The following SMAD5 variants were observed in gnomAD, a reference collection of about 807,000 sequenced individuals.
SMAD5 encodes the protein MAD, mothers against decapentaplegic homolog 5.
In SMAD5, 9 loss-of-function variants were observed where a neutral mutation model predicts 43.1. The observed-to-expected ratio is 0.21, with a 90% CI of 0.13 to 0.36. The LOEUF is 0.36. Ranked by LOEUF, SMAD5 falls within the 10% of genes least tolerant of loss-of-function variation. The pLI is 1.00. For missense variants in SMAD5, 348 were observed against 574.0 expected (o/e 0.61, Z 4.02); for synonymous variants, 190 against 192.4 (o/e 0.99, Z 0.10).
chr5:136,157,831 G>A (rs1753690089), intron 3 of SMAD5, among the ~76,000 whole-genome samples: 1 of 152,122 alleles, frequency 6.6e-6, no homozygotes, highest in Admixed American at 6.5e-5. Flanking sequence ...GGGGGGGTTA[G>A]GGACCCCTGA....
chr5:136,177,359 G>C lies in SMAD5; in HGVS notation c.1277G>C (p.Arg426Pro), dbSNP rs1467776873. The C allele has an allele frequency of 6.2e-7, 1 of 1,613,520 alleles. No homozygotes were observed. ...FVKGWGAEYH[R>P]QDVTSTPCWI... Reference sequence around the variant, plus strand: ...TAGGGTTGGGGAGCAGAATATCACCGGCAGGATGTAACCAGCACCCCATGT... The same window carrying C: ...TAGGGTTGGGGAGCAGAATATCACCCGCAGGATGTAACCAGCACCCCATGT... The change falls in exon 8 of 8, where the codon CGG becomes CCG. Residue 426 changes from arginine to proline, a missense_variant. Physicochemically the swap from Arg to Pro is moderately radical, Grantham distance 103 (BLOSUM62 -2). Transcript: ENST00000545279.
rs942361564 is a variant in SMAD5 at position 136,180,356 on chromosome 5, T to G, written c.*2876T>G. Reference sequence around the variant, plus strand: ...ATAATCACATAGCATGTACAATATATTTATGCTGGCTGAAAAGACAGAATC... The same window carrying G: ...ATAATCACATAGCATGTACAATATAGTTATGCTGGCTGAAAAGACAGAATC... On this transcript the variant is annotated 3_prime_UTR_variant, in exon 8 of 8. Coordinates refer to ENST00000545279, the MANE Select transcript of SMAD5 (RefSeq NM_005903.7). 1 of 152,152 alleles carries G rather than the reference T, an allele frequency of 6.6e-6. No individual in the cohort carries two copies. The highest frequency in any genetic ancestry group is 1.5e-5 in the Non-Finnish European group (1 of 67,990). The allele number at this position is 152,152 out of a possible 1,614,324, so 9.4% of individuals were successfully genotyped here. A position where few individuals can be genotyped will look rare whatever the true frequency, so the allele number is the denominator to read the frequency against.
intron 6 of SMAD5, among the ~76,000 whole-genome samples, chr5:136,174,174 T>A (rs751461201): frequency 6.6e-6 from 1 of 152,188 alleles, no homozygotes; most frequent in Non-Finnish European, 1.5e-5. Flanking sequence ...TGCTGCCTAT[T>A]TGAGGCTTCT....
chr5:136,144,815 T>C (rs1040226670), intron 1 of SMAD5, among the ~76,000 whole-genome samples: 16 of 151,890 alleles, frequency 1.1e-4, no homozygotes, highest in African/African-American at 3.4e-4. Context: ...AAGCAAGCCC[T>C]GGAGCACCTG....
chr5:136,148,732 C>A (rs1753351539), intron 2 of SMAD5, among the ~76,000 whole-genome samples: 1 of 151,758 alleles, frequency 6.6e-6, no homozygotes, highest in South Asian at 2.1e-4. Context: ...CTAGATCCTA[C>A]ATTGTTTGCC....
At chr5:136,166,042 C>T (rs1277709771) in intron 5 of SMAD5, among the ~76,000 whole-genome samples, 5 of 152,100 alleles carry the variant, frequency 3.3e-5, no homozygotes, top group Non-Finnish European at 7.4e-5. Flanking sequence ...TTCTCAGCAA[C>T]AGTGCACACG....
Position 136,153,928 on chromosome 5 carries a change from G to A in SMAD5, c.168G>A (p.Leu56=). ...KGAMEELEKA[L]SSPGQPSKCV... ...CCATGGAGGAACTGGAGAAAGCCTT[G>A]AGCAGTCCAGGACAGCCGAGTAAAT... is the stretch of plus-strand genomic sequence containing the variant. Residue 56 remains leucine (L), a synonymous_variant, in exon 3 of 8, where the codon TTG becomes TTA. Coordinates refer to ENST00000545279, the MANE Select transcript of SMAD5 (RefSeq NM_005903.7). 6.2e-7 allele frequency: 1 copy of A among 1,613,906 alleles called. No individual in the cohort carries two copies. Among genetic ancestry groups the A allele is most frequent in the Non-Finnish European group, 8.5e-7 (1 of 1,179,906 alleles).
At chr5:136,150,711 A>G (rs1416753669) in intron 2 of SMAD5, among the ~76,000 whole-genome samples, 2 of 151,900 alleles carry the variant, frequency 1.3e-5, no homozygotes, top group Non-Finnish European at 2.9e-5. Flanking sequence ...TGGAAGAGTA[A>G]TGGGCAAGAT....
chr5:136,162,228 C>T (rs1392252885), intron 4 of SMAD5, among the ~76,000 whole-genome samples: 1 of 152,150 alleles, frequency 6.6e-6, no homozygotes, highest in African/African-American at 2.4e-5. Context: ...ATGTGCACAT[C>T]TTTGGGATGT....
At chr5:136,149,835 G>A (rs1753392995) in intron 2 of SMAD5, among the ~76,000 whole-genome samples, 1 of 151,846 alleles carries the variant, frequency 6.6e-6, no homozygotes, top group Non-Finnish European at 1.5e-5. Context: ...TTAAAGAGTT[G>A]AGTGTGAGAT....
At chr5:136,139,444 C>G (rs1197593974) in intron 1 of SMAD5, among the ~76,000 whole-genome samples, 3 of 152,148 alleles carry the variant, frequency 2.0e-5, no homozygotes, top group Admixed American at 2.0e-4. Flanking sequence ...AAACCCCATT[C>G]TTCCAGTTGT....
intron 1 of SMAD5, among the ~76,000 whole-genome samples, chr5:136,139,085 G>A (rs1752982792): frequency 6.6e-6 from 1 of 151,810 alleles, no homozygotes; most frequent in African/African-American, 2.4e-5. Flanking sequence ...CAAAGTGAAA[G>A]AGTTGTTTCT....
chr5:136,161,691 A>G (rs991502054), intron 4 of SMAD5, among the ~76,000 whole-genome samples: 19 of 152,216 alleles, frequency 1.2e-4, no homozygotes, highest in African/African-American at 4.1e-4. Flanking sequence ...AGATTTTGTA[A>G]AGTTCTAAAT....
At position 136,136,036 on chromosome 5, in the gene SMAD5, A is replaced by T. The variant is rs180768198; in HGVS notation, c.-245+3074A>T. ...CTGAGGAATGATTCTTGTCTCCACC[A>T]GTCTGGATATTCTAGAGAAAAGAAT... On this transcript the variant is annotated intron_variant, in intron 1 of 7. Transcript: ENST00000545279. 9.5e-4 allele frequency among the ~76,000 whole-genome samples: 145 copies of T among 152,348 alleles called. 1 individual carries two copies. Among genetic ancestry groups the T allele is most frequent in the African/African-American group, 3.4e-3 (142 of 41,570 alleles).
intron 2 of SMAD5, among the ~76,000 whole-genome samples, chr5:136,148,649 A>C (rs1316349433): frequency 6.6e-6 from 1 of 151,812 alleles, no homozygotes; most frequent in East Asian, 1.9e-4. Flanking sequence ...TCTCTAACCC[A>C]GGAGTCTTAT....
intron 7 of SMAD5, 42 bp downstream of exon 7, chr5:136,174,674 T>G (rs1754346419): frequency 7.2e-7 from 1 of 1,393,814 alleles, no homozygotes; most frequent in South Asian, 1.3e-5. Flanking sequence ...ACTATAAATG[T>G]GTATATTATG....
intron 3 of SMAD5, among the ~76,000 whole-genome samples, chr5:136,159,462 G>A (rs931252862): frequency 6.6e-6 from 1 of 151,670 alleles, no homozygotes; most frequent in African/African-American, 2.4e-5. Flanking sequence ...CATTATTTTG[G>A]ATGATATAAA....
chr5:136,140,322 G>A (rs910726869), intron 1 of SMAD5, among the ~76,000 whole-genome samples: 1 of 152,166 alleles, frequency 6.6e-6, no homozygotes, highest in African/African-American at 2.4e-5. Flanking sequence ...TATCATGTCT[G>A]TGCTCAGAGC....
Position 136,154,254 on chromosome 5 carries a change from G to A in SMAD5, c.403+91G>A, listed in dbSNP as rs987123249. The A allele has an allele frequency of 3.8e-6, 3 of 782,622 alleles. No individual in the cohort carries two copies. In the African/African-American group the frequency reaches 5.4e-5, roughly 14 times the overall value. 48.5% of individuals were successfully genotyped at this position (782,622 alleles called of 1,614,324 possible). A position where few individuals can be genotyped will look rare whatever the true frequency, so the allele number is the denominator to read the frequency against. On this transcript the variant is annotated intron_variant, in intron 3 of 7. Coordinates refer to ENST00000545279, the MANE Select transcript of SMAD5 (RefSeq NM_005903.7). ...TGTAACTAGATTTAGTAATGAAAAG[G>A]TTGTATTAGCTTTGTGTTTCCATCT...
Sources: gnomAD v4.1 joint callset for allele counts (sites outside exome capture counted in the v4.1 genomes callset) on GRCh38, gnomAD v4.1.1 for gene constraint, MANE v1.5 for transcripts, NCBI Gene and HGNC (gene_info 2026-07-23, HGNC 2026-07-21) for gene names.